The following VGLL3 variants were observed in gnomAD, a reference collection of about 807,000 sequenced individuals.
The protein encoded by VGLL3 is transcription cofactor vestigial-like protein 3.
VGLL3 carries 18 observed loss-of-function variants against 29.2 expected under a neutral mutation model. The ratio of observed to expected loss-of-function variants is 0.62; its 90% CI spans 0.43 to 0.91. VGLL3 has a LOEUF of 0.91. Among genes scored for constraint, VGLL3 ranks in the 40% least tolerant of loss-of-function variants. The pLI, the probability that VGLL3 is intolerant of heterozygous loss-of-function variation, is 0.00. For synonymous variants in VGLL3, 180 were observed against 151.8 expected (o/e 1.19, Z -1.36); for missense variants, 440 against 413.2 (o/e 1.06, Z -0.56).
intron 2 of VGLL3, 147 bp from the exon 3 acceptor site, chr3:86,969,270 A>G (rs1705038773): frequency 9.6e-7 from 1 of 1,038,802 alleles, no homozygotes; most frequent in Non-Finnish European, 1.3e-6. Context: ...ACAGGGGTGA[A>G]TTGATACCAG....
chr3:86,954,633 C>T (rs1704680454), intron 3 of VGLL3, among the ~76,000 whole-genome samples: 2 of 151,822 alleles, frequency 1.3e-5, no homozygotes. Flanking sequence ...TTTTTTTTAT[C>T]ATAGTGGCAA....
intron 1 of VGLL3, among the ~76,000 whole-genome samples, chr3:86,980,373 A>G (rs1370452300): frequency 6.6e-6 from 1 of 152,094 alleles, no homozygotes; most frequent in African/African-American, 2.4e-5. Context: ...TGAGTACTGA[A>G]ATATTCAGAA....
intron 2 of VGLL3, among the ~76,000 whole-genome samples, chr3:86,976,085 G>A (rs917375786): frequency 2.0e-5 from 3 of 152,032 alleles, no homozygotes; most frequent in Non-Finnish European, 4.4e-5. Context: ...CTGCACTCCA[G>A]CCTGGGTGAC....
In VGLL3 at chr3:86,940,879, A is replaced by G. The variant is rs958606021; in HGVS notation, c.*6145T>C. The G allele has an allele frequency of 6.6e-6, 1 of 152,394 alleles. No individual in the cohort carries two copies. The highest frequency in any genetic ancestry group is 2.4e-5 in the African/African-American group (1 of 41,434). The allele number at this position is 152,394 out of a possible 1,614,324, so 9.4% of individuals were successfully genotyped here. A position where few individuals can be genotyped will look rare whatever the true frequency, so the allele number is the denominator to read the frequency against. ...TTTATTAGTTAAAAATGACAGCATA[A>G]CTAAGGTTAATTTTTATTTCTGGAA... On this transcript the variant is annotated 3_prime_UTR_variant, in exon 4 of 4. Coordinates refer to ENST00000398399, the MANE Select transcript of VGLL3 (RefSeq NM_016206.4).
At chr3:86,987,229 C>T (rs1181819159) in intron 1 of VGLL3, among the ~76,000 whole-genome samples, 1 of 152,126 alleles carries the variant, frequency 6.6e-6, no homozygotes, top group Non-Finnish European at 1.5e-5. Flanking sequence ...GCTTTTTTCT[C>T]TGACAAACCG....
intron 3 of VGLL3, among the ~76,000 whole-genome samples, chr3:86,948,247 T>C (rs1289985245): frequency 2.6e-5 from 4 of 152,110 alleles, no homozygotes; most frequent in Non-Finnish European, 4.4e-5. Context: ...AAAGTTGCTG[T>C]TGTGTGGGTG....
chr3:86,961,891 A>C (rs1334595844), intron 3 of VGLL3: 34 of 963,316 alleles, frequency 3.5e-5, no homozygotes, highest in Non-Finnish European at 4.2e-5. Context: ...AGAGTGAAAC[A>C]ATCTCCTGCT....
chr3:86,989,888 C>T (rs903787518), intron 1 of VGLL3, among the ~76,000 whole-genome samples: 40 of 152,148 alleles, frequency 2.6e-4, no homozygotes, highest in African/African-American at 9.4e-4. Flanking sequence ...CTCCTCAGTT[C>T]ACGACCCCTT....
At chr3:86,986,743 T>G (rs895219953) in intron 1 of VGLL3, among the ~76,000 whole-genome samples, 7 of 152,208 alleles carry the variant, frequency 4.6e-5, no homozygotes, top group East Asian at 1.9e-4. Flanking sequence ...GACACTTAAC[T>G]GCTAATACCA....
intron 1 of VGLL3, 104 bp downstream of exon 1, chr3:86,990,514 A>G (rs1157249348): frequency 2.3e-6 from 3 of 1,291,462 alleles, no homozygotes; most frequent in Non-Finnish European, 3.0e-6. Context: ...ATCCCAGAGC[A>G]TCCTCTGCGC....
chr3:86,972,120 T>C (rs1705114369), intron 2 of VGLL3, among the ~76,000 whole-genome samples: 1 of 152,226 alleles, frequency 6.6e-6, no homozygotes, highest in Admixed American at 6.5e-5. Context: ...GCTTATGCAG[T>C]TTGAATATGC....
chr3:86,969,373 G>C (rs978992707), intron 2 of VGLL3, among the ~76,000 whole-genome samples: 1 of 152,140 alleles, frequency 6.6e-6, no homozygotes, highest in Non-Finnish European at 1.5e-5. Flanking sequence ...GGCTTATGCC[G>C]TCACAGTCTG....
intron 2 of VGLL3, among the ~76,000 whole-genome samples, chr3:86,976,567 T>C (rs1449591484): frequency 3.3e-5 from 5 of 152,232 alleles, no homozygotes; most frequent in South Asian, 2.1e-4. Context: ...ACTTTAGTAG[T>C]AGTTATGAAA....
In VGLL3 at chr3:86,940,813, A is replaced by G. The variant is rs530528510; in HGVS notation, c.*6211T>C. On this transcript the variant is annotated 3_prime_UTR_variant, in exon 4 of 4. Coordinates refer to ENST00000398399, the MANE Select transcript of VGLL3 (RefSeq NM_016206.4). Reference sequence around the variant, plus strand: ...AACAGAAAAAAATATATAATTTTATAATTATCTTATAAAGCCAAAAGTTTT... The same window carrying G: ...AACAGAAAAAAATATATAATTTTATGATTATCTTATAAAGCCAAAAGTTTT... The G allele has an allele frequency of 1.3e-5, 2 of 152,218 alleles. No homozygotes were observed. Among genetic ancestry groups the G allele is most frequent in the East Asian group, 3.9e-4 (2 of 5,188 alleles). 9.4% of individuals were successfully genotyped at this position (152,218 alleles called of 1,614,324 possible).
chr3:86,984,969 G>C (rs1021566569), intron 1 of VGLL3, among the ~76,000 whole-genome samples: 3 of 152,140 alleles, frequency 2.0e-5, no homozygotes, highest in African/African-American at 7.2e-5. Flanking sequence ...AAGCAGCACA[G>C]ATGGGAAGGG....
chr3:86,955,492 C>G (rs767237392), intron 3 of VGLL3, among the ~76,000 whole-genome samples: 5 of 151,088 alleles, frequency 3.3e-5, no homozygotes, highest in Non-Finnish European at 5.9e-5. Context: ...TGGGTTCAAG[C>G]GATTCTCATG....
At chr3:86,989,890 C>T (rs1705543257) in intron 1 of VGLL3, among the ~76,000 whole-genome samples, 1 of 152,146 alleles carries the variant, frequency 6.6e-6, no homozygotes, top group African/African-American at 2.4e-5. Flanking sequence ...CCTCAGTTCA[C>T]GACCCCTTAT....
At chr3:86,980,846 A>G (rs913192919) in intron 1 of VGLL3, among the ~76,000 whole-genome samples, 1 of 121,324 alleles carries the variant, frequency 8.2e-6, no homozygotes, top group Non-Finnish European at 1.6e-5. Flanking sequence ...TTTTTCTATG[A>G]AAAAAAAAAA....
intron 3 of VGLL3, among the ~76,000 whole-genome samples, chr3:86,965,159 G>GAA (rs558718976): frequency 2.7e-5 from 3 of 111,378 alleles, no homozygotes; most frequent in Non-Finnish European, 3.9e-5. Flanking sequence ...TCCATCAAAA[G>GAA]AAAAAAAAAA....
Sources: allele counts gnomAD v4.1 joint callset (sites outside exome capture counted in the v4.1 genomes callset), GRCh38; gene constraint gnomAD v4.1.1; transcripts MANE v1.5; gene names NCBI Gene and HGNC (gene_info 2026-07-23, HGNC 2026-07-21).